The following YLPM1 variants were observed in gnomAD, a reference collection of about 807,000 sequenced individuals.
The protein encoded by YLPM1 is YLP motif-containing protein 1.
Under a neutral mutation model 230.0 loss-of-function variants are expected in YLPM1, and 99 were observed. The ratio of observed to expected loss-of-function variants is 0.43; its 90% CI spans 0.37 to 0.51. YLPM1 has a LOEUF of 0.51. Among genes scored for constraint, YLPM1 ranks in the 20% least tolerant of loss-of-function variants. YLPM1 has a pLI of 0.00. For synonymous variants in YLPM1, 984 were observed against 942.5 expected (o/e 1.04, Z -0.81); for missense variants, 2,592 against 2,707.7 (o/e 0.96, Z 0.95).
Position 74,778,625 on chromosome 14 carries a change from C to G in YLPM1, c.1052C>G (p.Pro351Arg). The change falls in exon 2 of 21, where the codon CCC becomes CGC. Residue 351 changes from proline to arginine, a missense_variant. By Grantham distance (103) the Pro-to-Arg change is moderately radical. Coordinates refer to ENST00000325680, the MANE Select transcript of YLPM1 (RefSeq NM_019589.3). The part of the protein sequence containing the change: ...QVPESPSSEE[P>R]PLPPPNEEVP... ...CCAGAATCTCCTTCTTCTGAGGAGC[C>G]CCCATTGCCACCTCCAAATGAGGAA... is the stretch of plus-strand genomic sequence containing the variant. 1 of 1,594,064 alleles carries G rather than the reference C, an allele frequency of 6.3e-7. No individual in the cohort carries two copies. The highest frequency in any genetic ancestry group is 8.5e-7 in the Non-Finnish European group (1 of 1,170,710).
chr14:74,820,188 G>T (rs367890298), intron 16 of YLPM1, among the ~76,000 whole-genome samples: 2 of 152,148 alleles, frequency 1.3e-5, no homozygotes. Context: ...AGTAGTCTCT[G>T]TTTTAGTAAT....
intron 6 of YLPM1, among the ~76,000 whole-genome samples, chr14:74,803,304 C>T (rs2091345861): frequency 2.0e-5 from 3 of 152,042 alleles, no homozygotes; most frequent in Admixed American, 2.0e-4. Flanking sequence ...AAGAGCATGC[C>T]AGGACTTCTT....
intron 5 of YLPM1, among the ~76,000 whole-genome samples, chr14:74,801,648 G>C (rs1278453362): frequency 6.6e-6 from 1 of 152,162 alleles, no homozygotes; most frequent in Non-Finnish European, 1.5e-5. Context: ...AGTGGGCCAA[G>C]TATAACTCTG....
chr14:74,817,317 C>T (rs1366649651), intron 15 of YLPM1, 40 bp downstream of exon 15: 16 of 1,522,224 alleles, frequency 1.1e-5, no homozygotes, highest in Admixed American at 2.0e-5. Flanking sequence ...TACTATCATG[C>T]GCTGCATAAT....
intron 19 of YLPM1, among the ~76,000 whole-genome samples, chr14:74,832,110 G>C (rs376602555): frequency 2.0e-5 from 3 of 152,096 alleles, no homozygotes; most frequent in Non-Finnish European, 4.4e-5. Context: ...GGCTAGTTAA[G>C]ATTTTTCTGT....
rs760813556 is a variant in YLPM1, at chr14:74,812,617, T to A, written c.5348-11T>A. 2 of 1,607,788 alleles carry A rather than the reference T, an allele frequency of 1.2e-6. No individual in the cohort carries two copies. Among genetic ancestry groups the A allele is most frequent in the East Asian group, 4.5e-5 (2 of 44,750 alleles). ...ACAAATAGTAATTTTGTTCAACTGC[T>A]GGAATCCTAGGAGAACGAAGGACTT... On this transcript the variant is annotated splice_polypyrimidine_tract_variant and intron_variant, in intron 10 of 20. Transcript: ENST00000325680.
intron 1 of YLPM1, among the ~76,000 whole-genome samples, chr14:74,769,493 G>A (rs1268699135): frequency 1.3e-5 from 2 of 151,794 alleles, no homozygotes; most frequent in Non-Finnish European, 2.9e-5. Flanking sequence ...CACCATGTTG[G>A]CTAGGCTGGT....
intron 6 of YLPM1, 34 bp from the exon 7 acceptor site, chr14:74,809,346 A>T: frequency 6.4e-7 from 1 of 1,564,788 alleles, no homozygotes; most frequent in Non-Finnish European, 8.6e-7. Context: ...ATAGTGGTAT[A>T]CTTGTCCACT....
chr14:74,806,902 T>A lies in YLPM1; in HGVS notation c.4522-2478T>A, dbSNP rs1022353887. On this transcript the variant is annotated intron_variant, in intron 6 of 20. Transcript: ENST00000325680. ...ATTTTAAAAAATGTATCTTTTACTTTCACTATATAGAATGAAGAAAGCAGT... is the reference window on the plus strand; with the variant it reads ...ATTTTAAAAAATGTATCTTTTACTTACACTATATAGAATGAAGAAAGCAGT... Among the ~76,000 whole-genome samples, 47 of 152,046 alleles carry A rather than the reference T, an allele frequency of 3.1e-4. 1 individual carries two copies. The highest frequency in any genetic ancestry group is 5.2e-4 in the Admixed American group (8 of 15,272).
intron 6 of YLPM1, 72 bp from the exon 7 acceptor site, chr14:74,809,308 A>G: frequency 6.7e-7 from 1 of 1,493,540 alleles, no homozygotes; most frequent in Non-Finnish European, 8.8e-7. Flanking sequence ...TGAGAACCAG[A>G]TTTTAATTTC....
In YLPM1 at chr14:74,816,194, C is replaced by A; in HGVS notation, c.5503-9C>A. 2 of 1,534,416 alleles carry A rather than the reference C, an allele frequency of 1.3e-6. No individual in the cohort carries two copies. Among genetic ancestry groups the A allele is most frequent in the Admixed American group, 4.0e-5 (2 of 50,146 alleles). On this transcript the variant is annotated splice_polypyrimidine_tract_variant and intron_variant, in intron 11 of 20. Transcript: ENST00000325680. ...GATTTTTTTTTTTTTTTGGTCTATT[C>A]TGTTTCAGATTGTTGTTATAATGAG...
rs979650676 is a variant in YLPM1 at position 74,780,570 on chromosome 14, C to G, written c.1276C>G (p.Pro426Ala). 8.1e-6 allele frequency: 13 copies of G among 1,611,610 alleles called. No individual in the cohort carries two copies. Among genetic ancestry groups the G allele is most frequent in the African/African-American group, 2.7e-5 (2 of 74,850 alleles). The change falls in exon 3 of 21, where the codon CCA becomes GCA. Residue 426 changes from proline (P) to alanine (A), a missense_variant. Around this residue, in one of 4 missense-constraint regions of YLPM1, gnomAD observed 1,862 missense variants for 1,819.8 expected, o/e 1.02. Transcript: ENST00000325680. The part of the protein sequence containing the change: ...LQQYQQIIQP[P>A]PHIQTMSVDM... ...ACAGTATCAGCAGATTATACAGCCC[C>G]CACCACATATACAGGCAAGTGCTTC...
At chr14:74,778,378 C>T (rs2091062040) in intron 1 of YLPM1, 69 bp from the exon 2 acceptor site, 1 of 1,387,520 alleles carries the variant, frequency 7.2e-7, no homozygotes, top group East Asian at 2.5e-5. Context: ...AAGATAGGTC[C>T]TTGTCAACAC....
At chr14:74,799,955 A>G (rs1404159902) in intron 5 of YLPM1, among the ~76,000 whole-genome samples, 3 of 152,228 alleles carry the variant, frequency 2.0e-5, no homozygotes, top group Admixed American at 1.3e-4. Context: ...CTGGCATGCC[A>G]TGCCTGTGCA....
chr14:74,828,999 CAT>C (rs1261031580), intron 18 of YLPM1, among the ~76,000 whole-genome samples: 2 of 152,186 alleles, frequency 1.3e-5, no homozygotes, highest in East Asian at 3.8e-4. Flanking sequence ...ACATCGTAAA[CAT>C]AATGGCTACC....
Position 74,798,011 on chromosome 14 carries a change from C to T in YLPM1, c.2714C>T (p.Ser905Phe). The T allele has an allele frequency of 6.2e-7, 1 of 1,613,690 alleles. No homozygotes were observed. Among genetic ancestry groups the T allele is most frequent in the South Asian group, 1.1e-5 (1 of 91,072 alleles). Residue 905 changes from serine to phenylalanine, a missense_variant, in exon 5 of 21, where the codon TCT (serine) becomes TTT (phenylalanine). Ser to Phe is a radical substitution (Grantham distance 155). Around this residue, in one of 4 missense-constraint regions of YLPM1, gnomAD observed 1,862 missense variants for 1,819.8 expected, o/e 1.02. Coordinates refer to ENST00000325680, the MANE Select transcript of YLPM1 (RefSeq NM_019589.3). ...AAQSNENLSD[S>F]QQEPPKSEVS... ...CAGTCAAATGAGAATCTAAGCGACT[C>T]TCAACAAGAGCCACCTAAAAGTGAA...
At chr14:74,771,389 A>G (rs1271293498) in intron 1 of YLPM1, among the ~76,000 whole-genome samples, 3 of 152,224 alleles carry the variant, frequency 2.0e-5, no homozygotes, top group South Asian at 2.1e-4. Context: ...CTAGCTCCAC[A>G]AATAGCAGTA....
At chr14:74,773,996 C>T (rs1020273600) in intron 1 of YLPM1, among the ~76,000 whole-genome samples, 2 of 152,042 alleles carry the variant, frequency 1.3e-5, no homozygotes, top group African/African-American at 4.8e-5. Context: ...ACTGGGATTA[C>T]AGGCATGAGC....
At chr14:74,816,908 A>G (rs561559282) in intron 13 of YLPM1, 23 bp from the exon 14 acceptor site, 15 of 1,537,586 alleles carry the variant, frequency 9.8e-6, no homozygotes, top group African/African-American at 8.3e-5. Context: ...TGCTAATTCC[A>G]TATCTCTTTT....
Sources: allele counts gnomAD v4.1 joint callset (sites outside exome capture counted in the v4.1 genomes callset), GRCh38; gene constraint gnomAD v4.1.1; regional missense constraint gnomAD v4.1.1; transcripts MANE v1.5; gene names NCBI Gene and HGNC (gene_info 2026-07-23, HGNC 2026-07-21).